GSE1: variants seen among roughly 807,000 people sequenced by gnomAD.
The protein encoded by GSE1 is genetic suppressor element 1.
A neutral mutation model predicts 112.6 loss-of-function variants in GSE1; 32 were observed. The ratio of observed to expected loss-of-function variants is 0.28; its 90% CI spans 0.21 to 0.38. The LOEUF (loss-of-function observed/expected upper bound fraction) is 0.38, where lower values mean the gene tolerates loss of function less well. Ranked by LOEUF, GSE1 falls within the 10% of genes least tolerant of loss-of-function variation. GSE1 has a pLI of 1.00. For missense variants in GSE1, 2,348 were observed against 1,699.2 expected, an observed-to-expected ratio of 1.38 and a Z score of -6.71; for synonymous variants, 1,115 against 735.6, an observed-to-expected ratio of 1.52 and a Z score of -8.35.
At chr16:85,337,379 C>T (rs1456435831) in intron 1 of GSE1, among the ~76,000 whole-genome samples, 1 of 150,270 alleles carries the variant, frequency 6.7e-6, no homozygotes, top group African/African-American at 2.5e-5. Flanking sequence ...GATCTCGGCT[C>T]ACTGCAAGCT....
intron 1 of GSE1, among the ~76,000 whole-genome samples, chr16:85,353,724 C>T (rs918179321): frequency 6.6e-6 from 1 of 152,204 alleles, no homozygotes; most frequent in African/African-American, 2.4e-5. Context: ...ATCAGAAGAT[C>T]TGTCAAGGTG....
chr16:85,447,678 C>T (rs909391446), intron 2 of GSE1, among the ~76,000 whole-genome samples: 1 of 152,202 alleles, frequency 6.6e-6, no homozygotes, highest in South Asian at 2.1e-4. Context: ...CTGTGGGGCT[C>T]GGAGCTTCTG....
chr16:85,660,435 G>A (rs1008836596), intron 8 of GSE1, among the ~76,000 whole-genome samples: 1 of 152,090 alleles, frequency 6.6e-6, no homozygotes, highest in Non-Finnish European at 1.5e-5. Context: ...TCAGGAATTC[G>A]AGAGCAGTCT....
At chr16:85,215,215 C>T (rs994480454) in intron 1 of GSE1, among the ~76,000 whole-genome samples, 4 of 152,226 alleles carry the variant, frequency 2.6e-5, no homozygotes, top group Non-Finnish European at 4.4e-5. Flanking sequence ...GGTCATTTAA[C>T]TGCTGCAAGC....
chr16:85,223,526 A>AAAC (rs1597836853), intron 1 of GSE1, among the ~76,000 whole-genome samples: 1 of 152,126 alleles, frequency 6.6e-6, no homozygotes, highest in African/African-American at 2.4e-5. Flanking sequence ...CCATCTCAAA[A>AAAC]AACAACAACA....
At chr16:85,556,106 C>G in exon 1 of GSE1, 2 of 979,858 alleles carry the variant, frequency 2.0e-6, no homozygotes, top group Non-Finnish European at 2.4e-6. Context: ...TGCCTGGGCG[C>G]TGGTCGGAGA....
intron 2 of GSE1, among the ~76,000 whole-genome samples, chr16:85,443,941 G>C (rs975053585): frequency 6.7e-6 from 1 of 150,204 alleles, no homozygotes; most frequent in African/African-American, 2.5e-5. Context: ...GATAAAGGGG[G>C]CCCTGGGGGT....
At chr16:85,361,827 G>A (rs1230408969) in intron 2 of GSE1, among the ~76,000 whole-genome samples, 1 of 152,088 alleles carries the variant, frequency 6.6e-6, no homozygotes, top group African/African-American at 2.4e-5. Flanking sequence ...AGGCGGTGAT[G>A]AGTTTGGTAA....
intron 2 of GSE1, among the ~76,000 whole-genome samples, chr16:85,537,210 A>G (rs368194826): frequency 1.3e-5 from 2 of 152,178 alleles, no homozygotes; most frequent in Non-Finnish European, 1.5e-5. Flanking sequence ...TTAGCTGTGG[A>G]TGGTGGTGGC....
chr16:85,550,490 A>C (rs997263562), intron 2 of GSE1, among the ~76,000 whole-genome samples: 3 of 152,024 alleles, frequency 2.0e-5, no homozygotes, highest in Admixed American at 6.5e-5. Flanking sequence ...TGCCCACCCG[A>C]GAACAGACGG....
intron 1 of GSE1, among the ~76,000 whole-genome samples, chr16:85,601,986 G>A (rs1276767170): frequency 6.6e-6 from 1 of 152,234 alleles, no homozygotes; most frequent in Non-Finnish European, 1.5e-5. Flanking sequence ...CAGGAGCACT[G>A]GGAGGCGGCG....
intron 1 of GSE1, among the ~76,000 whole-genome samples, chr16:85,286,466 C>T (rs1051181285): frequency 6.6e-6 from 1 of 152,174 alleles, no homozygotes; most frequent in Non-Finnish European, 1.5e-5. Context: ...GCCTGGTGTC[C>T]GTTCAAAGGA....
chr16:85,538,067 T>C (rs1446754049), intron 2 of GSE1, among the ~76,000 whole-genome samples: 1 of 152,154 alleles, frequency 6.6e-6, no homozygotes, highest in Non-Finnish European at 1.5e-5. Flanking sequence ...GCCACCCGGC[T>C]GGATTGCTGG....
intron 2 of GSE1, among the ~76,000 whole-genome samples, chr16:85,523,554 A>G (rs1315314017): frequency 1.3e-5 from 2 of 152,056 alleles, no homozygotes; most frequent in African/African-American, 4.8e-5. Context: ...AAGCAGGGCT[A>G]AGGAACCCCT....
chr16:85,305,392 C>A (rs2045649310), intron 1 of GSE1, among the ~76,000 whole-genome samples: 1 of 152,222 alleles, frequency 6.6e-6, no homozygotes, highest in African/African-American at 2.4e-5. Flanking sequence ...CCAAGTGATC[C>A]CCCTGCCTTA....
At chr16:85,455,942 C>G (rs535640505) in intron 2 of GSE1, among the ~76,000 whole-genome samples, 1 of 152,368 alleles carries the variant, frequency 6.6e-6, no homozygotes, top group African/African-American at 2.4e-5. Flanking sequence ...GTGTGCCTTA[C>G]AAATGCGAAT....
intron 2 of GSE1, among the ~76,000 whole-genome samples, chr16:85,428,177 G>A (rs1242191748): frequency 2.0e-5 from 3 of 152,250 alleles, no homozygotes; most frequent in Non-Finnish European, 4.4e-5. Context: ...CCAGGCAGGA[G>A]GGAGAGCAGG....
chr16:85,555,773 G>A (rs182036697), upstream of GSE1: 4 of 979,736 alleles, frequency 4.1e-6, no homozygotes, highest in East Asian at 3.4e-4. Flanking sequence ...CTGAATGGAG[G>A]AGAGATTGCT....
intron 1 of GSE1, among the ~76,000 whole-genome samples, chr16:85,630,615 A>G (rs115060992): frequency 6.6e-6 from 1 of 152,196 alleles, no homozygotes; most frequent in African/African-American, 2.4e-5. Context: ...CATGCCCAGG[A>G]TGAATGTTTT....
Sources: gnomAD v4.1 joint callset for allele counts (sites outside exome capture counted in the v4.1 genomes callset) on GRCh38, gnomAD v4.1.1 for gene constraint, MANE v1.5 for transcripts, NCBI Gene and HGNC (gene_info 2026-07-23, HGNC 2026-07-21) for gene names.